SEMA5A: variants seen among roughly 807,000 people sequenced by gnomAD.
The protein encoded by SEMA5A is semaphorin-5A.
A neutral mutation model predicts 135.5 loss-of-function variants in SEMA5A; 55 were observed. The observed-to-expected ratio is 0.41, with a 90% confidence interval of 0.33 to 0.51. SEMA5A has a LOEUF of 0.51. Among genes scored for constraint, SEMA5A ranks in the 20% least tolerant of loss-of-function variants. SEMA5A has a pLI of 0.37. For synonymous variants in SEMA5A, 580 were observed against 546.5 expected, an observed-to-expected ratio of 1.06 and a Z score of -0.85; for missense variants, 1,290 against 1,419.9, an observed-to-expected ratio of 0.91 and a Z score of 1.47.
At chr5:9,463,915 T>C (rs751212603) in intron 1 of SEMA5A, among the ~76,000 whole-genome samples, 2 of 152,184 alleles carry the variant, frequency 1.3e-5, no homozygotes, top group African/African-American at 2.4e-5. Flanking sequence ...ATTATCTATG[T>C]TGTTACTGGT....
chr5:9,426,773 G>A (rs1757677121), intron 2 of SEMA5A, among the ~76,000 whole-genome samples: 1 of 152,138 alleles, frequency 6.6e-6, no homozygotes, highest in Admixed American at 6.5e-5. Flanking sequence ...GAATAACTTT[G>A]TACATTATCT....
At chr5:9,405,036 T>C (rs1450463081) in intron 2 of SEMA5A, among the ~76,000 whole-genome samples, 1 of 152,144 alleles carries the variant, frequency 6.6e-6, no homozygotes, top group African/African-American at 2.4e-5. Context: ...ATTCTAGAGT[T>C]ACAGAATGTT....
chr5:9,044,261 G>T, intron 22 of SEMA5A, 112 bp downstream of exon 22: 1 of 895,886 alleles, frequency 1.1e-6, no homozygotes, highest in Non-Finnish European at 1.8e-6. Context: ...CTCACATAGG[G>T]AGAAAATTCA....
intron 13 of SEMA5A, among the ~76,000 whole-genome samples, chr5:9,132,896 T>C (rs1243173425): frequency 6.6e-6 from 1 of 152,240 alleles, no homozygotes; most frequent in Non-Finnish European, 1.5e-5. Context: ...AAAGCTTAAT[T>C]TCCTTTGGAA....
chr5:9,543,977 G>T (rs1738235956), intron 1 of SEMA5A, among the ~76,000 whole-genome samples: 1 of 152,134 alleles, frequency 6.6e-6, no homozygotes, highest in East Asian at 1.9e-4. Context: ...TTGAACTGAA[G>T]TTGTGTAAAG....
chr5:9,210,775 C>A (rs1192001455), intron 8 of SEMA5A, among the ~76,000 whole-genome samples: 3 of 152,122 alleles, frequency 2.0e-5, no homozygotes, highest in Non-Finnish European at 4.4e-5. Flanking sequence ...AATGCAATCT[C>A]CCTTAAGAGG....
At chr5:9,371,113 C>G (rs919807016) in intron 3 of SEMA5A, among the ~76,000 whole-genome samples, 1 of 152,100 alleles carries the variant, frequency 6.6e-6, no homozygotes, top group African/African-American at 2.4e-5. Context: ...ACAAGCAATC[C>G]ACTCAAAGAC....
intron 5 of SEMA5A, among the ~76,000 whole-genome samples, chr5:9,284,568 A>T (rs1165802922): frequency 6.6e-6 from 1 of 152,012 alleles, no homozygotes; most frequent in Non-Finnish European, 1.5e-5. Flanking sequence ...CAAATTCAAC[A>T]TATTTCATCA....
intron 1 of SEMA5A, among the ~76,000 whole-genome samples, chr5:9,508,717 C>G (rs1736045113): frequency 6.6e-6 from 1 of 152,138 alleles, no homozygotes; most frequent in Non-Finnish European, 1.5e-5. Context: ...CTCTGTGCTC[C>G]AGATCCTTCT....
intron 1 of SEMA5A, among the ~76,000 whole-genome samples, chr5:9,493,753 A>T (rs1189565231): frequency 6.6e-6 from 1 of 152,208 alleles, no homozygotes; most frequent in African/African-American, 2.4e-5. Flanking sequence ...AATAAATATG[A>T]TTTCTTTGAT....
At chr5:9,470,550 C>T (rs146885228) in intron 1 of SEMA5A, among the ~76,000 whole-genome samples, 23 of 152,312 alleles carry the variant, frequency 1.5e-4, no homozygotes, top group Admixed American at 5.9e-4. Flanking sequence ...TATCCATGAG[C>T]GCTGTCCAGT....
At chr5:9,241,364 G>C (rs574175756) in intron 5 of SEMA5A, among the ~76,000 whole-genome samples, 2 of 152,058 alleles carry the variant, frequency 1.3e-5, no homozygotes, top group Admixed American at 1.3e-4. Context: ...CAGACATAGA[G>C]ATACACATCA....
chr5:9,469,801 C>T (rs1037050037), intron 1 of SEMA5A, among the ~76,000 whole-genome samples: 3 of 152,190 alleles, frequency 2.0e-5, no homozygotes, highest in African/African-American at 7.2e-5. Flanking sequence ...CCCCAGCAGG[C>T]TTGCATTAAA....
At position 9,269,208 on chromosome 5, in the gene SEMA5A, C is replaced by A. The variant is rs3026311; in HGVS notation, c.271-31318G>T. On this transcript the variant is annotated intron_variant, in intron 5 of 22. Coordinates refer to ENST00000382496, the MANE Select transcript of SEMA5A (RefSeq NM_003966.3). Reference sequence around the variant, plus strand: ...ACCTACAACAAATTACTGAGACTAGCACCCTGCTTACTCCCTTCCCCAGCT... The same window carrying A: ...ACCTACAACAAATTACTGAGACTAGAACCCTGCTTACTCCCTTCCCCAGCT... Among the ~76,000 whole-genome samples, 1,339 of 152,226 alleles carry A rather than the reference C, an allele frequency of 8.8e-3. 20 individuals carry two copies. The highest frequency in any genetic ancestry group is 0.031 in the African/African-American group (1,297 of 41,548).
intron 5 of SEMA5A, among the ~76,000 whole-genome samples, chr5:9,291,810 T>G (rs1161246623): frequency 1.3e-5 from 2 of 151,800 alleles, no homozygotes; most frequent in Non-Finnish European, 2.9e-5. Context: ...TTGGAATTCC[T>G]GATCAACAAA....
At position 9,361,298 on chromosome 5, in the gene SEMA5A, CAA is replaced by C. The variant is rs35091885; in HGVS notation, c.124+18523_124+18524del. ...TGGGCAACAAAGCGAGACTCTGTCT[CAA>C]AAAAAAAAAAAAAATTGCAAACAAC... On this transcript the variant is annotated intron_variant, in intron 3 of 22. Transcript: ENST00000382496. Among the ~76,000 whole-genome samples the C allele has an allele frequency of 2.3e-3, 289 of 127,780 alleles. 3 individuals are homozygous for C. Among genetic ancestry groups the C allele is most frequent in the African/African-American group, 7.1e-3 (233 of 32,764 alleles). 83.8% of individuals were successfully genotyped at this position (127,780 alleles called of 152,430 possible). A position where few individuals can be genotyped will look rare whatever the true frequency, so the allele number is the denominator to read the frequency against.
intron 18 of SEMA5A, among the ~76,000 whole-genome samples, chr5:9,061,624 G>A (rs1448239358): frequency 6.6e-6 from 1 of 152,148 alleles, no homozygotes; most frequent in African/African-American, 2.4e-5. Context: ...AGAAACAGGG[G>A]CTTGAATATT....
intron 12 of SEMA5A, among the ~76,000 whole-genome samples, chr5:9,142,510 A>T (rs574201219): frequency 6.6e-6 from 1 of 152,312 alleles, no homozygotes; most frequent in South Asian, 2.1e-4. Context: ...GCCACACTTC[A>T]AACATCAATA....
rs141473898 is a variant in SEMA5A, at chr5:9,153,747, A to G, written c.1481+741T>C. ...TATTTTTTGTTATTTCTATATTCAA[A>G]TAAAATACAAGCTTGAGGCCAGGTG... On this transcript the variant is annotated intron_variant, in intron 12 of 22. Transcript: ENST00000382496. Among the ~76,000 whole-genome samples the G allele has an allele frequency of 2.7e-4, 41 of 152,188 alleles. No homozygotes were observed. The East Asian group carries it at 7.4e-3, about 27-fold the overall frequency.
Sources: gnomAD v4.1 joint callset for allele counts (sites outside exome capture counted in the v4.1 genomes callset) on GRCh38, gnomAD v4.1.1 for gene constraint, MANE v1.5 for transcripts, NCBI Gene and HGNC (gene_info 2026-07-23, HGNC 2026-07-21) for gene names.